Variants in RBFOX1 observed in about 807,000 individuals in gnomAD.
The protein encoded by RBFOX1 is RNA binding fox-1 homolog 1.
RBFOX1 carries 8 observed loss-of-function variants against 57.7 expected under a neutral mutation model. The observed-to-expected ratio is 0.14, with a 90% CI of 0.08 to 0.25. RBFOX1 has a LOEUF of 0.25. Ranked by LOEUF, RBFOX1 falls within the 10% of genes least tolerant of loss-of-function variation. The probability of loss-of-function intolerance (pLI) is 1.00; values close to 1 mark genes in which losing one functional copy is unlikely to be tolerated. For synonymous variants in RBFOX1, 326 were observed against 222.4 expected (o/e 1.47, Z -4.15); for missense variants, 611 against 548.5 (o/e 1.11, Z -1.14).
chr16:5,743,775 C>G lies in RBFOX1; in HGVS notation c.319-123528C>G, dbSNP rs542219772. 2.6e-5 allele frequency among the ~76,000 whole-genome samples: 4 copies of G among 152,214 alleles called. No homozygotes were observed. In the East Asian group the frequency reaches 7.7e-4, roughly 29 times the overall value. ...CCTGGCTTGTCTGAAACTCCTGGCC[C>G]TAAGTAATCCTCCCACCTCACCCTC... On this transcript the variant is annotated intron_variant, in intron 3 of 19. Transcript: ENST00000641259.
At chr16:7,086,863 C>T (rs550367487) in intron 4 of RBFOX1, among the ~76,000 whole-genome samples, 1 of 152,150 alleles carries the variant, frequency 6.6e-6, no homozygotes, top group African/African-American at 2.4e-5. Flanking sequence ...GTTGGTGGGG[C>T]TTGGTTTTTT....
chr16:6,659,518 C>T (rs939029126), intron 3 of RBFOX1, among the ~76,000 whole-genome samples: 5 of 152,150 alleles, frequency 3.3e-5, no homozygotes, highest in African/African-American at 1.2e-4. Flanking sequence ...TGTGGAAGTA[C>T]CATCATTTTC....
chr16:5,561,893 C>G (rs547221686), intron 2 of RBFOX1, among the ~76,000 whole-genome samples: 22 of 152,240 alleles, frequency 1.4e-4, no homozygotes, highest in Admixed American at 5.2e-4. Flanking sequence ...CAAATGCATC[C>G]CATCCATTGA....
chr16:7,527,323 C>T (rs1204722659), intron 5 of RBFOX1, among the ~76,000 whole-genome samples: 2 of 152,018 alleles, frequency 1.3e-5, no homozygotes, highest in Admixed American at 1.3e-4. Flanking sequence ...AATACTGTGC[C>T]TGTTTTATTA....
intron 1 of RBFOX1, among the ~76,000 whole-genome samples, chr16:6,031,300 A>T (rs1296949148): frequency 1.3e-5 from 2 of 152,120 alleles, no homozygotes; most frequent in East Asian, 3.9e-4. Flanking sequence ...GAGAACAGCA[A>T]GGTGGCCAGC....
At chr16:6,279,886 G>A (rs1437507612) in intron 1 of RBFOX1, among the ~76,000 whole-genome samples, 1 of 151,854 alleles carries the variant, frequency 6.6e-6, no homozygotes, top group African/African-American at 2.4e-5. Flanking sequence ...GCTTGGTCTA[G>A]GTGAGGATTT....
intron 2 of RBFOX1, among the ~76,000 whole-genome samples, chr16:6,395,935 G>T (rs9934285): frequency 6.6e-6 from 1 of 151,338 alleles, no homozygotes; most frequent in South Asian, 2.1e-4. Context: ...TCATGGTGGC[G>T]TGCACCTGTA....
chr16:6,143,736 C>G (rs571397976), intron 1 of RBFOX1, among the ~76,000 whole-genome samples: 3 of 152,026 alleles, frequency 2.0e-5, no homozygotes. Context: ...AGTTTGCTCC[C>G]AAACTCTTAA....
intron 3 of RBFOX1, among the ~76,000 whole-genome samples, chr16:5,660,497 G>T (rs540052809): frequency 6.6e-6 from 1 of 152,186 alleles, no homozygotes; most frequent in Admixed American, 6.5e-5. Flanking sequence ...AATGCCATAC[G>T]TTGTGTGTGA....
intron 1 of RBFOX1, among the ~76,000 whole-genome samples, chr16:6,029,735 T>G (rs1277602448): frequency 7.2e-6 from 1 of 138,888 alleles, no homozygotes; most frequent in Non-Finnish European, 1.5e-5. Flanking sequence ...ATCGCGCCAC[T>G]GTACTCCAGC....
intron 4 of RBFOX1, among the ~76,000 whole-genome samples, chr16:7,325,301 A>G (rs187111749): frequency 2.0e-5 from 3 of 152,326 alleles, no homozygotes; most frequent in Admixed American, 2.0e-4. Context: ...AATCTGAGGC[A>G]CAGAGAGGTT....
intron 3 of RBFOX1, among the ~76,000 whole-genome samples, chr16:7,033,056 C>T (rs2043215833): frequency 6.6e-6 from 1 of 152,068 alleles, no homozygotes; most frequent in South Asian, 2.1e-4. Flanking sequence ...CTAGCCCTGT[C>T]TTCAGAAGGC....
chr16:7,036,805 G>A (rs2044598395), intron 3 of RBFOX1, among the ~76,000 whole-genome samples: 1 of 152,094 alleles, frequency 6.6e-6, no homozygotes, highest in African/African-American at 2.4e-5. Flanking sequence ...GAAAGTAGGG[G>A]AATAAGAATG....
intron 4 of RBFOX1, among the ~76,000 whole-genome samples, chr16:7,119,331 T>A (rs1394630929): frequency 2.0e-5 from 3 of 152,100 alleles, no homozygotes; most frequent in Non-Finnish European, 4.4e-5. Context: ...TATTGAGTCA[T>A]CAGACTTGTG....
intron 2 of RBFOX1, among the ~76,000 whole-genome samples, chr16:5,500,151 T>TCC: frequency 1.1e-5 from 1 of 92,710 alleles, no homozygotes; most frequent in African/African-American, 5.6e-5. Flanking sequence ...CCTCCTTCCC[T>TCC]TCCTCCCCTC....
At chr16:6,685,883 C>T (rs758242114) in intron 3 of RBFOX1, among the ~76,000 whole-genome samples, 3 of 152,078 alleles carry the variant, frequency 2.0e-5, no homozygotes, top group Non-Finnish European at 4.4e-5. Flanking sequence ...TTATTAATGA[C>T]TTCATGTCCT....
chr16:5,923,825 G>A (rs1045466456), intron 4 of RBFOX1, among the ~76,000 whole-genome samples: 1 of 151,964 alleles, frequency 6.6e-6, no homozygotes, highest in Non-Finnish European at 1.5e-5. Flanking sequence ...ACAGGTGTGA[G>A]CCACCGTACC....
intron 4 of RBFOX1, among the ~76,000 whole-genome samples, chr16:7,120,819 ATATG>A (rs1353530992): frequency 4.3e-5 from 3 of 70,272 alleles, no homozygotes; most frequent in Admixed American, 1.5e-4. Context: ...AATATTTTAT[ATATG>A]TATATATACA....
At chr16:6,407,112 A>G (rs142710935) in intron 2 of RBFOX1, among the ~76,000 whole-genome samples, 4 of 152,306 alleles carry the variant, frequency 2.6e-5, no homozygotes, top group African/African-American at 9.6e-5. Flanking sequence ...TGGCTATGTA[A>G]CATAGTGGCC....
Sources: gnomAD v4.1 joint callset for allele counts (sites outside exome capture counted in the v4.1 genomes callset) on GRCh38, gnomAD v4.1.1 for gene constraint, MANE v1.5 for transcripts, NCBI Gene and HGNC (gene_info 2026-07-23, HGNC 2026-07-21) for gene names.